The following POTEI variants were observed in gnomAD, a reference collection of about 807,000 sequenced individuals.
The protein encoded by POTEI is POTE ankyrin domain family, member I.
POTEI carries 14 observed loss-of-function variants against 43.4 expected under a neutral mutation model. The ratio of observed to expected loss-of-function variants is 0.32; its 90% CI spans 0.21 to 0.50. POTEI has a LOEUF of 0.50. POTEI is among the 20% of genes least tolerant of loss of function. POTEI has a pLI of 0.98. For synonymous variants in POTEI, 95 were observed against 297.9 expected (o/e 0.32, Z 7.01); for missense variants, 235 against 795.4 (o/e 0.30, Z 8.47).
intron 10 of POTEI, among the ~76,000 whole-genome samples, chr2:130,479,234 A>G (rs1683311539): frequency 6.6e-6 from 1 of 150,722 alleles, no homozygotes; most frequent in South Asian, 2.1e-4. Flanking sequence ...ACTTCTATTT[A>G]AAAGAAAACT....
chr2:130,469,347 T>A (rs2105057657), intron 13 of POTEI, among the ~76,000 whole-genome samples: 1 of 142,128 alleles, frequency 7.0e-6, no homozygotes, highest in East Asian at 2.0e-4. Flanking sequence ...CCAGAGCCAG[T>A]TCAAAATCTA....
Position 130,463,769 on chromosome 2 carries a change from G to C in POTEI, c.2275C>G (p.Gln759Glu), listed in dbSNP as rs772605673. ...QKESYVGKEA[Q>E]SKRGILTLKY... is the part of the protein sequence containing the mutation. ...AGGGTCAGGATGCCTCTCTTGCTCT[G>C]GGCCTCCTTGCCCACATAGGACTCT... The change falls in exon 15 of 15, where the codon CAG (glutamine) becomes GAG (glutamate). Residue 759 changes from glutamine (Q) to glutamate (E), a missense_variant. By Grantham distance (29) the Gln-to-Glu change is conservative. Transcript: ENST00000451531. 5.1e-6 allele frequency: 8 copies of C among 1,556,546 alleles called. No homozygotes were observed. The South Asian group carries it at 9.1e-5, about 18-fold the overall frequency.
chr2:130,482,510 T>C (rs1683426717), intron 9 of POTEI, among the ~76,000 whole-genome samples: 1 of 150,556 alleles, frequency 6.6e-6, no homozygotes, highest in Non-Finnish European at 1.5e-5. Flanking sequence ...CTCAAAGAAA[T>C]AGTAAAACAA....
intron 6 of POTEI, among the ~76,000 whole-genome samples, chr2:130,492,914 C>A (rs1244732124): frequency 6.6e-6 from 1 of 151,652 alleles, no homozygotes; most frequent in East Asian, 1.9e-4. Flanking sequence ...GTCTTCCTAC[C>A]CAGTCCATAA....
chr2:130,478,991 C>T (rs1160677627), intron 10 of POTEI, among the ~76,000 whole-genome samples: 8 of 117,814 alleles, frequency 6.8e-5, no homozygotes, highest in Non-Finnish European at 1.0e-4. Context: ...TTAGTCATTC[C>T]TGCTGACCTG....
intron 6 of POTEI, among the ~76,000 whole-genome samples, chr2:130,493,264 A>G (rs1326759110): frequency 3.0e-3 from 237 of 79,308 alleles, no homozygotes; most frequent in African/African-American, 8.0e-3. Flanking sequence ...CATTCCCTAA[A>G]AGGAACAACT....
At chr2:130,493,166 T>C (rs1470783951) in intron 6 of POTEI, among the ~76,000 whole-genome samples, 38 of 58,210 alleles carry the variant, frequency 6.5e-4, no homozygotes, top group African/African-American at 1.9e-3. Flanking sequence ...AGCAGGGCAC[T>C]CTAGGACCGA....
chr2:130,483,596 C>CTTTTT (rs1558886971), intron 9 of POTEI, among the ~76,000 whole-genome samples: 7 of 16,568 alleles, frequency 4.2e-4, no homozygotes, highest in African/African-American at 6.4e-4. Context: ...CCATGTCAAA[C>CTTTTT]TTGTTTTTTT....
Position 130,461,674 on chromosome 2 carries a change from G to A in POTEI, c.*1142C>T, listed in dbSNP as rs1415450794. ...GGGGGTAGCTGGAGGCCCCAGTTGG[G>A]AGGTCCTGTCCAGTGAGATGGAACA... On this transcript the variant is annotated 3_prime_UTR_variant, in exon 15 of 15. Coordinates refer to ENST00000451531, the MANE Select transcript of POTEI (RefSeq NM_001277406.2). 1.3e-5 allele frequency: 2 copies of A among 151,600 alleles called. No individual in the cohort carries two copies. The highest frequency in any genetic ancestry group is 2.9e-5 in the Non-Finnish European group (2 of 67,944). The allele number at this position is 151,600 out of a possible 1,614,324, so 9.4% of individuals were successfully genotyped here.
At chr2:130,489,490 C>T (rs1312402506) in intron 7 of POTEI, among the ~76,000 whole-genome samples, 272 of 8,394 alleles carry the variant, frequency 0.032, 93 homozygotes, top group Admixed American at 0.093. Context: ...GCTACTGCCA[C>T]ATTACTGGCT....
Position 130,509,297 on chromosome 2 carries a change from C to G in POTEI, c.-62G>C. 5.4e-6 allele frequency: 4 copies of G among 736,152 alleles called. No individual in the cohort carries two copies. In the South Asian group the frequency reaches 7.5e-5, roughly 14 times the overall value. The allele number at this position is 736,152 out of a possible 1,614,324, so 45.6% of individuals were successfully genotyped here. ...GCAGATCACGTCTACCAACCAGTTT[C>G]ACCAACTAGCAGGTAACTCCGGGTT... On this transcript the variant is annotated 5_prime_UTR_variant, in exon 1 of 15. Transcript: ENST00000451531.
intron 13 of POTEI, among the ~76,000 whole-genome samples, chr2:130,467,919 C>T (rs867936642): frequency 2.2e-5 from 3 of 138,496 alleles, no homozygotes; most frequent in African/African-American, 8.2e-5. Flanking sequence ...TGAGATATCA[C>T]CTCACTGCAG....
At chr2:130,468,623 A>G (rs1160350935) in intron 13 of POTEI, among the ~76,000 whole-genome samples, 1 of 148,380 alleles carries the variant, frequency 6.7e-6, no homozygotes, top group African/African-American at 2.5e-5. Context: ...TGAGCCAATC[A>G]CCTCCCAGCT....
At chr2:130,468,518 A>C (rs1215686837) in intron 13 of POTEI, among the ~76,000 whole-genome samples, 1 of 151,886 alleles carries the variant, frequency 6.6e-6, no homozygotes, top group Non-Finnish European at 1.5e-5. Flanking sequence ...GAGAGAGAAG[A>C]GAGAAGTGAA....
intron 1 of POTEI, among the ~76,000 whole-genome samples, chr2:130,504,956 T>C (rs1435731334): frequency 2.0e-5 from 2 of 101,344 alleles, no homozygotes; most frequent in African/African-American, 6.8e-5. Context: ...ATGTGCAGGT[T>C]TGTTACATAG....
intron 6 of POTEI, among the ~76,000 whole-genome samples, chr2:130,494,021 T>G (rs3872439): frequency 1.2e-4 from 5 of 42,816 alleles, no homozygotes; most frequent in African/African-American, 2.8e-4. Context: ...TTTCTTTACA[T>G]GGTAAAGAAC....
intron 1 of POTEI, 32 bp downstream of exon 1, chr2:130,508,683 C>T (rs1324822376): frequency 2.4e-6 from 2 of 832,606 alleles, no homozygotes; most frequent in Non-Finnish European, 3.4e-6. Context: ...ATCCCCCGAC[C>T]TCCCACCTCC....
intron 10 of POTEI, among the ~76,000 whole-genome samples, chr2:130,477,159 C>CTTT (rs879759124): frequency 6.9e-6 from 1 of 145,214 alleles, no homozygotes; most frequent in Non-Finnish European, 1.5e-5. Flanking sequence ...TTTCTTTTTT[C>CTTT]TTTTTTTTTT....
Position 130,508,972 on chromosome 2 carries a change from G to A in POTEI, c.264C>T (p.Asp88=), listed in dbSNP as rs1444788778. Reference sequence around the variant, plus strand: ...TGCTCCTGAGCGTCTTCATAGCGGAGTCGTCGTGGTCTCCAGAAGTGCCCA... The same window carrying A: ...TGCTCCTGAGCGTCTTCATAGCGGAATCGTCGTGGTCTCCAGAAGTGCCCA... The part of the protein sequence containing the change: ...SNVGTSGDHD[D]SAMKTLRSKM... The change falls in exon 1 of 15, where the codon GAC becomes GAT. Residue 88 remains aspartate, a synonymous_variant. Transcript: ENST00000451531. 1.3e-6 allele frequency: 2 copies of A among 1,596,682 alleles called. No homozygotes were observed. Among genetic ancestry groups the A allele is most frequent in the African/African-American group, 2.8e-5 (2 of 72,450 alleles).
Sources: gnomAD v4.1 joint callset for allele counts (sites outside exome capture counted in the v4.1 genomes callset) on GRCh38, gnomAD v4.1.1 for gene constraint, MANE v1.5 for transcripts, NCBI Gene and HGNC (gene_info 2026-07-23, HGNC 2026-07-21) for gene names.